Variants in PRDM11 observed in about 807,000 individuals in gnomAD.
The protein encoded by PRDM11 is PR/SET domain 11.
In PRDM11, 20 loss-of-function variants were observed where a neutral mutation model predicts 97.8. The ratio of observed to expected loss-of-function variants is 0.20; its 90% CI spans 0.14 to 0.30. The LOEUF (loss-of-function observed/expected upper bound fraction) is 0.30, where lower values mean the gene tolerates loss of function less well. Among genes scored for constraint, PRDM11 ranks in the 10% least tolerant of loss-of-function variants. The probability of loss-of-function intolerance (pLI) is 1.00; values close to 1 mark genes in which losing one functional copy is unlikely to be tolerated. For missense variants in PRDM11, 1,139 were observed against 1,555.2 expected (o/e 0.73, Z 4.50); for synonymous variants, 599 against 637.7 (o/e 0.94, Z 0.91).
At chr11:45,117,926 A>G (rs1274568997) in intron 1 of PRDM11, among the ~76,000 whole-genome samples, 2 of 152,238 alleles carry the variant, frequency 1.3e-5, no homozygotes, top group South Asian at 2.1e-4. Context: ...CAACATTAAC[A>G]GTTATAGATA....
At chr11:45,119,508 T>C (rs1246967092) in intron 1 of PRDM11, among the ~76,000 whole-genome samples, 4 of 151,144 alleles carry the variant, frequency 2.6e-5, no homozygotes, top group Admixed American at 2.0e-4. Flanking sequence ...AGGGCGCCTG[T>C]AGTCCCAGCT....
chr11:45,140,668 C>T (rs772629349), intron 1 of PRDM11, among the ~76,000 whole-genome samples: 9 of 152,072 alleles, frequency 5.9e-5, no homozygotes, highest in Non-Finnish European at 1.3e-4. Context: ...CTCATTGTGG[C>T]TCCACCCAGC....
At chr11:45,188,486 G>T (rs191749996) in intron 4 of PRDM11, among the ~76,000 whole-genome samples, 113 of 152,302 alleles carry the variant, frequency 7.4e-4, no homozygotes, top group South Asian at 1.9e-3. Context: ...CCTTGCCTGG[G>T]TAGACTCTAT....
At chr11:45,112,308 T>C (rs188235170) in intron 1 of PRDM11, among the ~76,000 whole-genome samples, 8 of 152,364 alleles carry the variant, frequency 5.3e-5, no homozygotes, top group African/African-American at 9.6e-5. Flanking sequence ...TTCCATGGTG[T>C]ATATATAACA....
chr11:45,150,440 A>G (rs569593875), intron 1 of PRDM11, among the ~76,000 whole-genome samples: 1 of 152,316 alleles, frequency 6.6e-6, no homozygotes, highest in South Asian at 2.1e-4. Context: ...CTCACCAAAC[A>G]CCTTCTGTTG....
At chr11:45,168,660 G>A (rs1269912733) in intron 1 of PRDM11, among the ~76,000 whole-genome samples, 1 of 152,222 alleles carries the variant, frequency 6.6e-6, no homozygotes, top group Non-Finnish European at 1.5e-5. Context: ...CAGGTGTAAT[G>A]TGTGGGGAGA....
intron 6 of PRDM11, 128 bp from the exon 7 acceptor site, chr11:45,224,080 TTTGCAACAC>T: frequency 9.7e-7 from 1 of 1,030,046 alleles, no homozygotes; most frequent in South Asian, 1.6e-5. Flanking sequence ...GTATCTCCCC[TTTGCAACAC>T]TTGCCCCAAA....
intron 4 of PRDM11, among the ~76,000 whole-genome samples, chr11:45,189,059 A>T (rs757537979): frequency 7.9e-5 from 12 of 152,006 alleles, no homozygotes; most frequent in Non-Finnish European, 1.6e-4. Context: ...GCGCCACCAC[A>T]TCCAGCTAAT....
chr11:45,149,936 T>C (rs1264086563), intron 1 of PRDM11, among the ~76,000 whole-genome samples: 2 of 152,232 alleles, frequency 1.3e-5, no homozygotes, highest in Non-Finnish European at 2.9e-5. Flanking sequence ...GTGCAGTTAA[T>C]GCACAGAGAG....
At chr11:45,180,271 G>T (rs1463147970) in intron 1 of PRDM11, among the ~76,000 whole-genome samples, 1 of 152,226 alleles carries the variant, frequency 6.6e-6, no homozygotes, top group East Asian at 1.9e-4. Flanking sequence ...GCATAACGCA[G>T]CCAGGAGGCA....
intron 4 of PRDM11, among the ~76,000 whole-genome samples, chr11:45,185,511 G>T (rs1333082346): frequency 6.6e-6 from 1 of 152,136 alleles, no homozygotes; most frequent in Non-Finnish European, 1.5e-5. Flanking sequence ...GTGGTCAAGA[G>T]AGTTTGTTCA....
chr11:45,097,481 C>A lies in PRDM11; in HGVS notation c.96+1580C>A, dbSNP rs112922722. Among the ~76,000 whole-genome samples the A allele has an allele frequency of 5.0e-3, 763 of 152,094 alleles. 4 individuals are homozygous for A. Among genetic ancestry groups the A allele is most frequent in the Non-Finnish European group, 9.1e-3 (619 of 68,030 alleles). ...ATCCTGTGGGAAAGCTTTCATCCCTCCCATTTAACAGGTGAGGAAATTGAA... is the reference window on the plus strand; with the variant it reads ...ATCCTGTGGGAAAGCTTTCATCCCTACCATTTAACAGGTGAGGAAATTGAA... On this transcript the variant is annotated intron_variant, in intron 1 of 6. Transcript: ENST00000530656.
At chr11:45,113,825 T>TGTG (rs1347674876) in intron 1 of PRDM11, among the ~76,000 whole-genome samples, 3 of 105,448 alleles carry the variant, frequency 2.8e-5, no homozygotes, top group Admixed American at 8.7e-5. Flanking sequence ...TGTGTGTGTG[T>TGTG]TTTGTTTTTT....
At chr11:45,170,284 A>C (rs764692173) in intron 1 of PRDM11, among the ~76,000 whole-genome samples, 30 of 152,130 alleles carry the variant, frequency 2.0e-4, no homozygotes, top group Non-Finnish European at 4.1e-4. Flanking sequence ...CAGAGGTTGC[A>C]GTGAGGTGAG....
chr11:45,134,233 T>C (rs1041205416), intron 1 of PRDM11, among the ~76,000 whole-genome samples: 1 of 152,186 alleles, frequency 6.6e-6, no homozygotes, highest in Non-Finnish European at 1.5e-5. Flanking sequence ...AAATAGCTCA[T>C]GCTGAAATAG....
At chr11:45,159,767 A>G (rs1851886402) in intron 1 of PRDM11, among the ~76,000 whole-genome samples, 1 of 152,158 alleles carries the variant, frequency 6.6e-6, no homozygotes, top group African/African-American at 2.4e-5. Flanking sequence ...CTCTGTGAGC[A>G]TTTATAACTG....
chr11:45,189,922 C>T (rs920701843), intron 4 of PRDM11, among the ~76,000 whole-genome samples: 1 of 149,860 alleles, frequency 6.7e-6, no homozygotes, highest in Non-Finnish European at 1.5e-5. Context: ...ACAGGGTAGT[C>T]GTGCAGTGTG....
intron 1 of PRDM11, among the ~76,000 whole-genome samples, chr11:45,124,507 G>A (rs1180021259): frequency 3.3e-5 from 5 of 152,138 alleles, no homozygotes; most frequent in Non-Finnish European, 5.9e-5. Flanking sequence ...ATTATTTTGA[G>A]ATACGTCCCA....
chr11:45,195,128 A>G (rs1853072113), intron 4 of PRDM11, among the ~76,000 whole-genome samples: 1 of 152,060 alleles, frequency 6.6e-6, no homozygotes, highest in Admixed American at 6.6e-5. Context: ...AGCATAGGAT[A>G]TGTAGGACGT....
Sources: gnomAD v4.1 joint callset for allele counts (sites outside exome capture counted in the v4.1 genomes callset) on GRCh38, gnomAD v4.1.1 for gene constraint, MANE v1.5 for transcripts, NCBI Gene and HGNC (gene_info 2026-07-23, HGNC 2026-07-21) for gene names.